The following DDX59 variants were observed in gnomAD, a reference collection of about 807,000 sequenced individuals.
DDX59 encodes probable ATP-dependent RNA helicase DDX59.
Under a neutral mutation model 51.9 loss-of-function variants are expected in DDX59, and 30 were observed. The observed-to-expected ratio is 0.58, with a 90% CI of 0.43 to 0.78. DDX59 has a LOEUF of 0.78. Among genes scored for constraint, DDX59 ranks in the 30% least tolerant of loss-of-function variants. The pLI is 0.00. For synonymous variants in DDX59, 255 were observed against 253.3 expected, an observed-to-expected ratio of 1.01 and a Z score of -0.06; for missense variants, 672 against 730.8, an observed-to-expected ratio of 0.92 and a Z score of 0.93.
At chr1:200,666,986 T>TAA (rs1017812582) in intron 1 of DDX59, among the ~76,000 whole-genome samples, 2 of 151,926 alleles carry the variant, frequency 1.3e-5, no homozygotes, top group African/African-American at 4.8e-5. Flanking sequence ...CATGTGCCTG[T>TAA]AATCCCACCT....
chr1:200,641,069 A>G (rs1661034552), downstream of DDX59: 2 of 816,682 alleles, frequency 2.4e-6, no homozygotes, highest in South Asian at 1.4e-5. Context: ...AAAGAGTCCT[A>G]TCTGTCCGGA....
downstream of DDX59, chr1:200,641,196 A>C: frequency 7.7e-7 from 1 of 1,304,872 alleles, no homozygotes; most frequent in South Asian, 1.2e-5. Flanking sequence ...CTGTATAACA[A>C]GGCAATAAGA....
chr1:200,654,189 G>A (rs1369170239), intron 4 of DDX59, among the ~76,000 whole-genome samples: 8 of 152,084 alleles, frequency 5.3e-5, no homozygotes, highest in East Asian at 1.9e-4. Context: ...CGAGGCGGGC[G>A]GATCACGAGG....
At position 200,644,037 on chromosome 1, in the gene DDX59, T is replaced by C; in HGVS notation, c.*217A>G. The C allele has an allele frequency of 4.1e-6, 2 of 482,144 alleles. No individual in the cohort carries two copies. The highest frequency in any genetic ancestry group is 5.5e-6 in the Non-Finnish European group (2 of 363,830). 29.9% of individuals were successfully genotyped at this position (482,144 alleles called of 1,614,324 possible). On this transcript the variant is annotated 3_prime_UTR_variant, in exon 8 of 8. Transcript: ENST00000331314. ...TTTTAAAAAGAAAAAAGAAACTTCATCCAGAAAAGAAAACACTGTCTTTTA... is the reference window on the plus strand; with the variant it reads ...TTTTAAAAAGAAAAAAGAAACTTCACCCAGAAAAGAAAACACTGTCTTTTA...
chr1:200,655,981 C>A (rs1415996029), intron 4 of DDX59, among the ~76,000 whole-genome samples: 1 of 152,174 alleles, frequency 6.6e-6, no homozygotes, highest in African/African-American at 2.4e-5. Flanking sequence ...CAGGCACGCG[C>A]CACCACGCCC....
At chr1:200,648,785 T>G (rs1467325964) in intron 6 of DDX59, among the ~76,000 whole-genome samples, 2 of 152,226 alleles carry the variant, frequency 1.3e-5, no homozygotes, top group African/African-American at 4.8e-5. Flanking sequence ...GCAAACCTTT[T>G]CCAAAGGTGA....
At chr1:200,647,198 G>C (rs1319172141) in intron 7 of DDX59, among the ~76,000 whole-genome samples, 1 of 152,204 alleles carries the variant, frequency 6.6e-6, no homozygotes. Context: ...GTTTGTAAGG[G>C]AAGCCGGAGA....
At chr1:200,655,855 A>T (rs1387959017) in intron 4 of DDX59, among the ~76,000 whole-genome samples, 3 of 148,750 alleles carry the variant, frequency 2.0e-5, no homozygotes, top group Non-Finnish European at 4.4e-5. Flanking sequence ...TTTGAGACGG[A>T]GTTTCACTCT....
chr1:200,667,535 C>T (rs946473520), intron 1 of DDX59, among the ~76,000 whole-genome samples: 10 of 152,156 alleles, frequency 6.6e-5, no homozygotes, highest in African/African-American at 2.4e-4. Flanking sequence ...CTGCACACTG[C>T]TCAACATAGC....
rs112847275 is a variant in DDX59, at chr1:200,652,234, C to T, written c.1063-1558G>A. On this transcript the variant is annotated intron_variant, in intron 4 of 7. Transcript: ENST00000331314. Reference sequence around the variant, plus strand: ...GTGGCATGATTCTAGCTTGCTGGAACCTTAAACTCCTGGGCTCAAGAGATC... The same window carrying T: ...GTGGCATGATTCTAGCTTGCTGGAATCTTAAACTCCTGGGCTCAAGAGATC... Among the ~76,000 whole-genome samples, 6 of 152,002 alleles carry T rather than the reference C, an allele frequency of 3.9e-5. 1 individual carries two copies. Among genetic ancestry groups the T allele is most frequent in the African/African-American group, 1.4e-4 (6 of 41,454 alleles).
chr1:200,666,120 A>C lies in DDX59; in HGVS notation c.621T>G (p.His207Gln). ...EVTRPIIDFEHCSLPEVLNHN... is the reference protein window; with the variant it reads ...EVTRPIIDFEQCSLPEVLNHN... Reference sequence around the variant, plus strand: ...GATTTAAGACCTCAGGGAGACTACAATGTTCAAAGTCAATAATGGGCCTGG... The same window carrying C: ...GATTTAAGACCTCAGGGAGACTACACTGTTCAAAGTCAATAATGGGCCTGG... The change falls in exon 2 of 8, where the codon CAT (histidine) becomes CAG (glutamine). Residue 207 changes from histidine (H) to glutamine (Q), a missense_variant. Coordinates refer to ENST00000331314, the MANE Select transcript of DDX59 (RefSeq NM_001031725.6). 3.1e-6 allele frequency: 5 copies of C among 1,614,208 alleles called. No individual in the cohort carries two copies. Among genetic ancestry groups the C allele is most frequent in the Non-Finnish European group, 4.2e-6 (5 of 1,180,032 alleles).
chr1:200,651,135 A>C (rs1326335380), intron 4 of DDX59, among the ~76,000 whole-genome samples: 1 of 152,180 alleles, frequency 6.6e-6, no homozygotes, highest in Non-Finnish European at 1.5e-5. Flanking sequence ...CTAAATTGCT[A>C]ATACCAGGGA....
chr1:200,666,499 G>A lies in DDX59; in HGVS notation c.242C>T (p.Ala81Val), dbSNP rs376151996. 30 of 1,614,126 alleles carry A rather than the reference G, an allele frequency of 1.9e-5. No individual in the cohort carries two copies. Among genetic ancestry groups the A allele is most frequent in the Non-Finnish European group, 2.4e-5 (28 of 1,180,022 alleles). Residue 81 changes from alanine (A) to valine (V), a missense_variant, in exon 2 of 8, where the codon GCG (alanine) becomes GTG (valine). Physicochemically the swap from Ala to Val is moderately conservative, Grantham distance 64. Coordinates refer to ENST00000331314, the MANE Select transcript of DDX59 (RefSeq NM_001031725.6). ...CTCTTCAGAAGGATGGCTGTCCTTC[G>A]CACCCTGCTCGGGACTTACTGAATG... ...EVHSVSPEQG[A>V]KDSHPSEEPV...
intron 4 of DDX59, among the ~76,000 whole-genome samples, chr1:200,654,171 TGGGAGGCCGAGGC>T (rs1239377122): frequency 1.9e-4 from 29 of 152,126 alleles, no homozygotes; most frequent in Admixed American, 1.9e-3. Context: ...CCCAGCACTT[TGGGAGGCCGAGGC>T]GGGCGGATCA....
At chr1:200,651,219 G>A (rs1661640455) in intron 4 of DDX59, among the ~76,000 whole-genome samples, 1 of 151,824 alleles carries the variant, frequency 6.6e-6, no homozygotes, top group South Asian at 2.1e-4. Flanking sequence ...TTTAAACCAT[G>A]AACACAGATT....
intron 7 of DDX59, among the ~76,000 whole-genome samples, chr1:200,647,363 T>C (rs902217150): frequency 6.6e-6 from 1 of 151,548 alleles, no homozygotes; most frequent in African/African-American, 2.4e-5. Flanking sequence ...GAAGAGGAGA[T>C]GAAGACAAGA....
chr1:200,648,488 A>G lies in DDX59; in HGVS notation c.1547T>C (p.Leu516Pro). ...TGAAGGCATATCAAAATTGACAACC[A>G]GCCTGACACTGATCAAGTCTAGGCC... ...GRGLDLISVR[L>P]VVNFDMPSSM... Residue 516 changes from leucine to proline, a missense_variant, in exon 7 of 8, where the codon CTG becomes CCG. Physicochemically the swap from Leu to Pro is moderately conservative, Grantham distance 98. Transcript: ENST00000331314. 1 of 1,614,204 alleles carries G rather than the reference A, an allele frequency of 6.2e-7. No homozygotes were observed. The highest frequency in any genetic ancestry group is 1.7e-5 in the Admixed American group (1 of 60,034).
In DDX59 at chr1:200,666,468, A is replaced by T. The variant is rs765445972; in HGVS notation, c.273T>A (p.Val91=). The T allele has an allele frequency of 5.0e-6, 8 of 1,614,048 alleles. No homozygotes were observed. The highest frequency in any genetic ancestry group is 6.8e-6 in the Non-Finnish European group (8 of 1,180,024). The change falls in exon 2 of 8, where the codon GTT becomes GTA. Residue 91 remains valine, a synonymous_variant. Transcript: ENST00000331314. The stretch of plus-strand genomic sequence containing the variant: ...AGCGCTGTGTTTTGGAAAATGACTT[A>T]ACGGGCTCTTCAGAAGGATGGCTGT... The part of the protein sequence containing the change: ...AKDSHPSEEP[V]KSFSKTQRWA...
intron 7 of DDX59, among the ~76,000 whole-genome samples, chr1:200,645,434 T>C (rs1414815554): frequency 6.6e-6 from 1 of 152,118 alleles, no homozygotes; most frequent in Admixed American, 6.6e-5. Context: ...CCCGCCACCA[T>C]ATCTGGATAA....
Sources: allele counts gnomAD v4.1 joint callset (sites outside exome capture counted in the v4.1 genomes callset), GRCh38; gene constraint gnomAD v4.1.1; transcripts MANE v1.5; gene names NCBI Gene and HGNC (gene_info 2026-07-23, HGNC 2026-07-21).